ZFYVE16: variants seen among roughly 807,000 people sequenced by gnomAD.
ZFYVE16 encodes zinc finger FYVE-type containing 16.
A neutral mutation model predicts 138.1 loss-of-function variants in ZFYVE16; 89 were observed. The observed-to-expected ratio is 0.64, with a 90% CI of 0.54 to 0.77. ZFYVE16 has a LOEUF of 0.77. Ranked by LOEUF, ZFYVE16 falls within the 30% of genes least tolerant of loss-of-function variation. ZFYVE16 has a pLI of 0.00. For missense variants in ZFYVE16, 1,793 were observed against 1,786.7 expected (o/e 1.00, Z -0.06); for synonymous variants, 596 against 618.3 (o/e 0.96, Z 0.53).
At chr5:80,414,085 ATT>A (rs913164678) in intron 1 of ZFYVE16, among the ~76,000 whole-genome samples, 31 of 152,154 alleles carry the variant, frequency 2.0e-4, no homozygotes, top group African/African-American at 7.2e-4. Context: ...TTCTTGTATA[ATT>A]TTTGTTTTTC....
chr5:80,456,587 A>T, intron 13 of ZFYVE16, 22 bp downstream of exon 13: 1 of 1,582,398 alleles, frequency 6.3e-7, no homozygotes, highest in Non-Finnish European at 8.6e-7. Flanking sequence ...TGTTTTATTC[A>T]AATGACAATT....
intron 1 of ZFYVE16, among the ~76,000 whole-genome samples, chr5:80,420,163 G>C (rs1223869753): frequency 6.6e-6 from 1 of 151,446 alleles, no homozygotes; most frequent in East Asian, 1.9e-4. Context: ...CTGGAGTGCA[G>C]TGGCACAATC....
chr5:80,455,798 A>G lies in ZFYVE16; in HGVS notation c.3690+24A>G, dbSNP rs762404472. The G allele has an allele frequency of 1.5e-5, 23 of 1,541,088 alleles. No homozygotes were observed. The South Asian group carries it at 2.6e-4, about 17-fold the overall frequency. On this transcript the variant is annotated intron_variant, in intron 12 of 18. Transcript: ENST00000505560. ...TTGTGAGTAATTGAACTATTTTATT[A>G]GGTATTTTTATACTGTTACTTTAAA...
At chr5:80,443,776 C>G (rs1156931970) in intron 6 of ZFYVE16, 2 of 456,150 alleles carry the variant, frequency 4.4e-6, no homozygotes, top group Non-Finnish European at 8.8e-6. Context: ...TTCTTCCCAC[C>G]TTATGGTCTC....
In ZFYVE16 at chr5:80,472,687, A is replaced by C. The variant is rs1754502848; in HGVS notation, c.4025-74A>C. ...TGTATCTTACACAGAACATATTTTG[A>C]TAGCAAATTTTATGGCTTAGATATA... On this transcript the variant is annotated intron_variant, in intron 15 of 18. Coordinates refer to ENST00000505560, the MANE Select transcript of ZFYVE16 (RefSeq NM_001284236.3). The C allele has an allele frequency of 4.3e-6, 6 of 1,399,200 alleles. No homozygotes were observed. In the Admixed American group the frequency reaches 1.3e-4, roughly 30 times the overall value. 86.7% of individuals were successfully genotyped at this position (1,399,200 alleles called of 1,614,324 possible). A position where few individuals can be genotyped will look rare whatever the true frequency, so the allele number is the denominator to read the frequency against.
chr5:80,470,920 A>T (rs1234896035), intron 15 of ZFYVE16, among the ~76,000 whole-genome samples: 1 of 126,592 alleles, frequency 7.9e-6, no homozygotes, highest in East Asian at 2.5e-4. Flanking sequence ...GTAAATACAA[A>T]ATTGCATGCA....
intron 8 of ZFYVE16, 92 bp downstream of exon 8, chr5:80,448,496 G>A (rs1751637340): frequency 7.8e-7 from 1 of 1,276,204 alleles, no homozygotes; most frequent in South Asian, 2.3e-5. Context: ...TTTTAACTTA[G>A]TTTGGTTGCA....
At chr5:80,474,597 G>A in intron 17 of ZFYVE16, 66 bp from the exon 18 acceptor site, 1 of 1,441,790 alleles carries the variant, frequency 6.9e-7, no homozygotes, top group Non-Finnish European at 9.4e-7. Context: ...AAACTTGAAA[G>A]CAGCAATTGT....
rs1461285255 is a variant in ZFYVE16 at position 80,470,983 on chromosome 5, G to A, written c.4025-1778G>A. Among the ~76,000 whole-genome samples the A allele has an allele frequency of 2.6e-5, 4 of 152,292 alleles. No individual in the cohort carries two copies. In the South Asian group the frequency reaches 6.2e-4, roughly 24 times the overall value. On this transcript the variant is annotated intron_variant, in intron 15 of 18. Transcript: ENST00000505560. The stretch of plus-strand genomic sequence containing the variant: ...GACTACCAGAATGAGCCAACAGCAC[G>A]TGATGTGCTTCCCCCTGCAGAGAGC...
chr5:80,442,730 GTAGC>G (rs1317407110), intron 5 of ZFYVE16, among the ~76,000 whole-genome samples: 8 of 152,116 alleles, frequency 5.3e-5, no homozygotes, highest in African/African-American at 1.9e-4. Flanking sequence ...TTCACTTTAG[GTAGC>G]CATTAAAGGA....
rs201553920 is a variant in ZFYVE16, at chr5:80,437,348, C to T, written c.663C>T (p.Tyr221=). The T allele has an allele frequency of 4.3e-5, 69 of 1,601,376 alleles. No individual in the cohort carries two copies. Among genetic ancestry groups the T allele is most frequent in the Admixed American group, 8.9e-5 (5 of 56,084 alleles). ...CAACACTTTCAGATTCCTATAATTA[C>T]AGTGGAACAGAAAATTTAAAAGATA... ...VDTTLSDSYN[Y]SGTENLKDKK... The change falls in exon 4 of 19, where the codon TAC becomes TAT. Residue 221 remains tyrosine (Y), a synonymous_variant. Transcript: ENST00000505560.
chr5:80,469,092 CTCTT>C (rs1754029648), intron 15 of ZFYVE16, among the ~76,000 whole-genome samples: 1 of 147,468 alleles, frequency 6.8e-6, no homozygotes. Context: ...TTTTCTTTCT[CTCTT>C]TTTTTTTTTT....
intron 5 of ZFYVE16, chr5:80,440,873 A>G (rs1431555101): frequency 1.0e-6 from 1 of 985,120 alleles, no homozygotes; most frequent in Non-Finnish European, 1.2e-6. Context: ...ATACCTGATA[A>G]TAATTTGTTT....
At chr5:80,475,884 A>G (rs993891110) in intron 18 of ZFYVE16, among the ~76,000 whole-genome samples, 1 of 152,234 alleles carries the variant, frequency 6.6e-6, no homozygotes, top group Admixed American at 6.5e-5. Context: ...TTACCATATT[A>G]TCCCAAATAG....
At chr5:80,415,254 G>A (rs955387578) in intron 1 of ZFYVE16, among the ~76,000 whole-genome samples, 1 of 152,154 alleles carries the variant, frequency 6.6e-6, no homozygotes, top group East Asian at 1.9e-4. Flanking sequence ...ACAGTATAGA[G>A]TTCCTATATA....
intron 12 of ZFYVE16, 139 bp from the exon 13 acceptor site, chr5:80,456,322 T>C: frequency 1.6e-6 from 1 of 614,734 alleles, no homozygotes; most frequent in Admixed American, 3.8e-5. Flanking sequence ...ACTAGAAAGT[T>C]ACCCTAAATA....
intron 4 of ZFYVE16, 63 bp from the exon 5 acceptor site, chr5:80,439,873 C>G (rs1580228190): frequency 7.2e-7 from 1 of 1,391,584 alleles, no homozygotes; most frequent in Non-Finnish European, 9.8e-7. Flanking sequence ...CCTCCCCACA[C>G]TGCCTCTAGT....
At chr5:80,419,234 A>G (rs952214559) in intron 1 of ZFYVE16, among the ~76,000 whole-genome samples, 7 of 151,868 alleles carry the variant, frequency 4.6e-5, no homozygotes, top group African/African-American at 1.5e-4. Flanking sequence ...GCATGGCACC[A>G]TGTCCAGCTT....
At position 80,477,216 on chromosome 5, in the gene ZFYVE16, T is replaced by C; in HGVS notation, c.4462-3T>C. Reference sequence around the variant, plus strand: ...TCTTATCAAGAATTTTTTTTTTTTCTAGGTTGAATTTCAGGCAGGATCTGA... The same window carrying C: ...TCTTATCAAGAATTTTTTTTTTTTCCAGGTTGAATTTCAGGCAGGATCTGA... On this transcript the variant is annotated splice_region_variant and splice_polypyrimidine_tract_variant and intron_variant, in intron 18 of 18. Coordinates refer to ENST00000505560, the MANE Select transcript of ZFYVE16 (RefSeq NM_001284236.3). 6.3e-7 allele frequency: 1 copy of C among 1,583,742 alleles called. No individual in the cohort carries two copies. Among genetic ancestry groups the C allele is most frequent in the Non-Finnish European group, 8.5e-7 (1 of 1,172,742 alleles).
Sources: allele counts gnomAD v4.1 joint callset (sites outside exome capture counted in the v4.1 genomes callset), GRCh38; gene constraint gnomAD v4.1.1; transcripts MANE v1.5; gene names NCBI Gene and HGNC (gene_info 2026-07-23, HGNC 2026-07-21).